Variants in ST6GAL2 observed in about 807,000 individuals in gnomAD.
ST6GAL2 encodes beta-galactoside alpha-2,6-sialyltransferase 2.
A neutral mutation model predicts 37.5 loss-of-function variants in ST6GAL2; 24 were observed. That is an observed-to-expected ratio of 0.64 (90% CI 0.46 to 0.90). The LOEUF is 0.90. ST6GAL2 is among the 40% of genes least tolerant of loss of function. ST6GAL2 has a pLI of 0.00. For synonymous variants in ST6GAL2, 306 were observed against 295.1 expected (o/e 1.04, Z -0.38); for missense variants, 715 against 712.7 (o/e 1.00, Z -0.04).
intron 1 of ST6GAL2, among the ~76,000 whole-genome samples, chr2:106,848,050 T>C (rs1677213085): frequency 1.3e-5 from 2 of 151,594 alleles, no homozygotes; most frequent in Non-Finnish European, 1.5e-5. Context: ...TTTCTTTTTT[T>C]TTTTTTTTTT....
At chr2:106,857,231 G>A (rs1463839952) in intron 1 of ST6GAL2, among the ~76,000 whole-genome samples, 6 of 152,294 alleles carry the variant, frequency 3.9e-5, no homozygotes, top group Admixed American at 2.6e-4. Flanking sequence ...CCATAGAAGT[G>A]ACTGGAAAAG....
chr2:106,807,856 C>A (rs1040409923), intron 5 of ST6GAL2, among the ~76,000 whole-genome samples: 1 of 152,096 alleles, frequency 6.6e-6, no homozygotes, highest in African/African-American at 2.4e-5. Flanking sequence ...AATCTCCTGA[C>A]CTCCTGCTCC....
chr2:106,842,854 A>C (rs1318100902), intron 2 of ST6GAL2, among the ~76,000 whole-genome samples, 181 bp downstream of exon 2: 5 of 152,160 alleles, frequency 3.3e-5, no homozygotes, highest in African/African-American at 1.2e-4. Context: ...GACCCCAGGC[A>C]GACTCATTCT....
At chr2:106,877,903 T>C (rs1678574552) in intron 1 of ST6GAL2, among the ~76,000 whole-genome samples, 1 of 152,248 alleles carries the variant, frequency 6.6e-6, no homozygotes, top group African/African-American at 2.4e-5. Flanking sequence ...GGAACAGCCT[T>C]GTGACCAAGG....
Position 106,884,198 on chromosome 2 carries a change from G to T in ST6GAL2, c.-58+1895C>A, listed in dbSNP as rs538755377. ...GCAGTCCCTTCGCTATTTAATCTTTGCTGGCTGGATTGGCCACAACTCCCT... is the reference window on the plus strand; with the variant it reads ...GCAGTCCCTTCGCTATTTAATCTTTTCTGGCTGGATTGGCCACAACTCCCT... On this transcript the variant is annotated intron_variant, in intron 1 of 5. Coordinates refer to ENST00000409382, the MANE Select transcript of ST6GAL2 (RefSeq NM_001142351.2). 5.3e-5 allele frequency among the ~76,000 whole-genome samples: 8 copies of T among 152,214 alleles called. 1 individual carries two copies. The highest frequency in any genetic ancestry group is 1.9e-4 in the African/African-American group (8 of 41,544).
chr2:106,825,313 G>C (rs1448112), intron 5 of ST6GAL2, among the ~76,000 whole-genome samples: 21,124 of 152,220 alleles, frequency 0.14, 2,057 homozygotes, highest in East Asian at 0.49. Context: ...TATGGAGAGA[G>C]GTTCATGCAG....
intron 1 of ST6GAL2, among the ~76,000 whole-genome samples, chr2:106,854,009 C>T (rs1005024972): frequency 2.0e-5 from 3 of 152,304 alleles, no homozygotes; most frequent in African/African-American, 4.8e-5. Flanking sequence ...GCTGTAAATT[C>T]GCTTCAGTCC....
At chr2:106,847,219 C>G (rs975031218) in intron 1 of ST6GAL2, among the ~76,000 whole-genome samples, 2 of 152,218 alleles carry the variant, frequency 1.3e-5, no homozygotes, top group African/African-American at 4.8e-5. Flanking sequence ...CTCTCAAGTT[C>G]TGTAAACATC....
Position 106,843,640 on chromosome 2 carries a change from G to GA in ST6GAL2, c.337dup (p.Ser113PhefsTer17). 2 of 1,613,688 alleles carry GA rather than the reference G, an allele frequency of 1.2e-6. No homozygotes were observed. The highest frequency in any genetic ancestry group is 8.5e-7 in the Non-Finnish European group (1 of 1,179,996). On this transcript the variant is annotated frameshift_variant, in exon 2 of 6. Transcript: ENST00000409382. LOFTEE classifies it high-confidence loss of function. The stretch of plus-strand genomic sequence containing the variant: ...TTGAGATTTTCTCCCCACCTGGGAT[G>GA]AAAAAAACTCTTTATGTTCAAACCC...
At chr2:106,809,289 C>A (rs1311899816) in intron 5 of ST6GAL2, among the ~76,000 whole-genome samples, 1 of 152,230 alleles carries the variant, frequency 6.6e-6, no homozygotes, top group Non-Finnish European at 1.5e-5. Context: ...ATATTTATTA[C>A]AACACTTTGC....
chr2:106,881,694 T>G (rs978056679), intron 1 of ST6GAL2, among the ~76,000 whole-genome samples: 3 of 152,186 alleles, frequency 2.0e-5, no homozygotes, highest in Non-Finnish European at 2.9e-5. Flanking sequence ...CTTGAAAAAT[T>G]TGTAGAATTT....
intron 1 of ST6GAL2, among the ~76,000 whole-genome samples, chr2:106,864,929 G>A (rs1419515011): frequency 6.6e-6 from 1 of 152,112 alleles, no homozygotes; most frequent in African/African-American, 2.4e-5. Flanking sequence ...TAATCTCTCA[G>A]GGAGGGGGAG....
chr2:106,827,539 C>T (rs1250048739), intron 5 of ST6GAL2, among the ~76,000 whole-genome samples: 1 of 152,166 alleles, frequency 6.6e-6, no homozygotes, highest in East Asian at 1.9e-4. Context: ...TCCTCGCCCA[C>T]CCCCAACCCT....
Position 106,881,351 on chromosome 2 carries a change from T to C in ST6GAL2, c.-58+4742A>G, listed in dbSNP as rs978383278. On this transcript the variant is annotated intron_variant, in intron 1 of 5. Coordinates refer to ENST00000409382, the MANE Select transcript of ST6GAL2 (RefSeq NM_001142351.2). The stretch of plus-strand genomic sequence containing the variant: ...TATAATTTACATAGCAAGATCCCTC[T>C]TCTAACAGTACAAACAAATCCATTC... Among the ~76,000 whole-genome samples the C allele has an allele frequency of 5.3e-5, 8 of 152,218 alleles. No individual in the cohort carries two copies. The South Asian group carries it at 6.2e-4, about 12-fold the overall frequency.
At chr2:106,838,505 T>A (rs546442032) in intron 2 of ST6GAL2, among the ~76,000 whole-genome samples, 1 of 152,320 alleles carries the variant, frequency 6.6e-6, no homozygotes, top group South Asian at 2.1e-4. Flanking sequence ...CACCTCTTGA[T>A]GTACTTCCCT....
intron 3 of ST6GAL2, 73 bp downstream of exon 3, chr2:106,833,976 A>G: frequency 1.8e-6 from 2 of 1,126,346 alleles, no homozygotes; most frequent in South Asian, 2.6e-5. Flanking sequence ...TCATCCGGTT[A>G]AACTCATTTC....
At chr2:106,886,013 TAACTCCGCGCA>T (rs1678971323) in intron 1 of ST6GAL2, 69 bp downstream of exon 1, 1 of 152,206 alleles carries the variant, frequency 6.6e-6, no homozygotes, top group South Asian at 2.1e-4. Flanking sequence ...ACACGGAGTG[TAACTCCGCGCA>T]CAGCAGCGCG....
intron 5 of ST6GAL2, among the ~76,000 whole-genome samples, chr2:106,810,687 C>T (rs1455082592): frequency 3.4e-5 from 5 of 148,314 alleles, no homozygotes; most frequent in East Asian, 3.9e-4. Context: ...CAGTGGCTCA[C>T]GCCTGGAATC....
At chr2:106,810,390 T>G (rs368556649) in intron 5 of ST6GAL2, among the ~76,000 whole-genome samples, 4 of 152,198 alleles carry the variant, frequency 2.6e-5, no homozygotes, top group Admixed American at 2.6e-4. Context: ...ATAGATCCTA[T>G]GAAAGTGGGT....
Sources: allele counts gnomAD v4.1 joint callset (sites outside exome capture counted in the v4.1 genomes callset), GRCh38; gene constraint gnomAD v4.1.1; transcripts MANE v1.5; gene names NCBI Gene and HGNC (gene_info 2026-07-23, HGNC 2026-07-21).